PRDM7: variants seen among roughly 807,000 people sequenced by gnomAD.
PRDM7 encodes histone-lysine N-methyltransferase PRDM7.
A neutral mutation model predicts 64.3 loss-of-function variants in PRDM7; 52 were observed. The ratio of observed to expected loss-of-function variants is 0.81; its 90% CI spans 0.65 to 1.02. PRDM7 has a LOEUF of 1.02. Ranked by LOEUF, PRDM7 falls within the 50% of genes least tolerant of loss-of-function variation. PRDM7 has a pLI of 0.00. For synonymous variants in PRDM7, 192 were observed against 210.1 expected (o/e 0.91, Z 0.74); for missense variants, 574 against 597.1 (o/e 0.96, Z 0.40).
chr16:90,061,397 C>G, intron 9 of PRDM7, 55 bp downstream of exon 9: 1 of 1,517,050 alleles, frequency 6.6e-7, no homozygotes, highest in East Asian at 2.3e-5. Flanking sequence ...GAAGGAAGTC[C>G]GGGTTTGTGA....
Position 90,075,274 on chromosome 16 carries a change from G to A in PRDM7, c.193+77C>T. On this transcript the variant is annotated intron_variant, in intron 3 of 10. Transcript: ENST00000449207. The surrounding 1 kb of genome is among the most constrained non-coding windows in gnomAD (Gnocchi z 4.3). ...GAATTGTGGGCAGATGCCGCCACCT[G>A]ATAATTAAAATAATATAGGGACCAA... 1 of 1,607,734 alleles carries A rather than the reference G, an allele frequency of 6.2e-7. No homozygotes were observed.
At chr16:90,063,989 G>A (rs2037829013) in intron 5 of PRDM7, among the ~76,000 whole-genome samples, 1 of 152,224 alleles carries the variant, frequency 6.6e-6, no homozygotes, top group Non-Finnish European at 1.5e-5. Context: ...AAAACGTTCT[G>A]TGTAAGTTAA....
chr16:90,060,321 A>G lies in PRDM7; in HGVS notation c.1233+20T>C, dbSNP rs1460920448. 6.2e-7 allele frequency: 1 copy of G among 1,613,910 alleles called. No homozygotes were observed. On this transcript the variant is annotated intron_variant, in intron 10 of 10. Transcript: ENST00000449207. ...ATTCTTTCTTTCCTGTCCTTTTAAA[A>G]GAGTAATAGTGATGCCTACCTCTCC...
At position 90,070,703 on chromosome 16, in the gene PRDM7, C is replaced by T. The variant is rs139987656; in HGVS notation, c.302-3793G>A. 4.0e-3 allele frequency among the ~76,000 whole-genome samples: 579 copies of T among 143,884 alleles called. 7 individuals are homozygous for T. The highest frequency in any genetic ancestry group is 0.032 in the Middle Eastern group (9 of 282). The allele number at this position is 143,884 out of a possible 152,430, so 94.4% of individuals were successfully genotyped here. A position where few individuals can be genotyped will look rare whatever the true frequency, so the allele number is the denominator to read the frequency against. On this transcript the variant is annotated intron_variant, in intron 4 of 10. Transcript: ENST00000449207. Reference sequence around the variant, plus strand: ...TACACAGTGAGCTGGAGGCTGACTACAAGTCAGGAAGAGAGCCCTCACTGG... The same window carrying T: ...TACACAGTGAGCTGGAGGCTGACTATAAGTCAGGAAGAGAGCCCTCACTGG...
chr16:90,057,007 C>G lies in PRDM7; in HGVS notation c.*1282G>C, dbSNP rs573796420. On this transcript the variant is annotated 3_prime_UTR_variant, in exon 11 of 11. Transcript: ENST00000449207. ...GTATGAGAGGGTCTGTCTCTCTTCT[C>G]TCAGAGTATTCAATTTCCTTAGGAT... 6.6e-6 allele frequency: 1 copy of G among 152,188 alleles called. No individual in the cohort carries two copies. The highest frequency in any genetic ancestry group is 2.4e-5 in the African/African-American group (1 of 41,420). The allele number at this position is 152,188 out of a possible 1,614,324, so 9.4% of individuals were successfully genotyped here.
intron 10 of PRDM7, among the ~76,000 whole-genome samples, chr16:90,059,059 T>C (rs1415344687): frequency 6.6e-6 from 1 of 152,190 alleles, no homozygotes; most frequent in Non-Finnish European, 1.5e-5. Flanking sequence ...GATCCACAAA[T>C]GTGGTTAAAG....
At chr16:90,072,875 G>A (rs1167315801) in intron 4 of PRDM7, among the ~76,000 whole-genome samples, 3 of 152,158 alleles carry the variant, frequency 2.0e-5, no homozygotes, top group African/African-American at 4.8e-5. Flanking sequence ...AAAAGCAAAC[G>A]CTGGCCTTTC....
At chr16:90,068,138 G>C (rs546374580) in intron 4 of PRDM7, among the ~76,000 whole-genome samples, 1 of 151,040 alleles carries the variant, frequency 6.6e-6, no homozygotes, top group South Asian at 2.1e-4. Context: ...CATTAGCTGG[G>C]CATGGTGGCG....
At chr16:90,065,343 A>C (rs2037854699) in intron 5 of PRDM7, among the ~76,000 whole-genome samples, 1 of 141,132 alleles carries the variant, frequency 7.1e-6, no homozygotes. Flanking sequence ...CAGTGAGCCG[A>C]GATCGCGCCA....
chr16:90,066,966 G>T lies in PRDM7; in HGVS notation c.302-56C>A, dbSNP rs563137003. On this transcript the variant is annotated intron_variant, in intron 4 of 10. Transcript: ENST00000449207. ...TTGGTAAATGTTTCCAAACTCTAGA[G>T]ATTTTTTTTTCTTTTTGATATGGAG... The T allele has an allele frequency of 3.5e-5, 52 of 1,466,690 alleles. No homozygotes were observed. In the South Asian group the frequency reaches 5.0e-4, roughly 14 times the overall value. The allele number at this position is 1,466,690 out of a possible 1,614,324, so 90.9% of individuals were successfully genotyped here.
chr16:90,064,055 A>G (rs2037830448), intron 5 of PRDM7, among the ~76,000 whole-genome samples: 1 of 152,238 alleles, frequency 6.6e-6, no homozygotes, highest in South Asian at 2.1e-4. Context: ...AAGATCTGTG[A>G]AAGAAGGGGA....
In PRDM7 at chr16:90,058,054, T is replaced by C. The variant is rs2037710167; in HGVS notation, c.*235A>G. On this transcript the variant is annotated 3_prime_UTR_variant, in exon 11 of 11. Transcript: ENST00000449207. Reference sequence around the variant, plus strand: ...CTTCCCCCCTGTGTGTGTCCTTTGGTGTGTAATAACATCTGACTTATCACT... The same window carrying C: ...CTTCCCCCCTGTGTGTGTCCTTTGGCGTGTAATAACATCTGACTTATCACT... 3.1e-6 allele frequency: 5 copies of C among 1,612,556 alleles called. No individual in the cohort carries two copies. The highest frequency in any genetic ancestry group is 3.4e-6 in the Non-Finnish European group (4 of 1,178,920).
chr16:90,068,634 C>CAAAA (rs778285091), intron 4 of PRDM7, among the ~76,000 whole-genome samples: 1 of 93,430 alleles, frequency 1.1e-5, no homozygotes. Context: ...GACTCCGTCT[C>CAAAA]AAAAAAAAAA....
At chr16:90,062,244 T>C in intron 7 of PRDM7, 52 bp from the exon 8 acceptor site, 1 of 1,614,186 alleles carries the variant, frequency 6.2e-7, no homozygotes, top group Non-Finnish European at 8.5e-7. Flanking sequence ...TGTTCCTTGA[T>C]ATAAGAGCTT....
Position 90,069,625 on chromosome 16 carries a change from G to A in PRDM7, c.302-2715C>T, listed in dbSNP as rs186141217. On this transcript the variant is annotated intron_variant, in intron 4 of 10. Transcript: ENST00000449207. Reference sequence around the variant, plus strand: ...ACCATGTATCTGATAAAGGGTTAATGTTGCTGAGTGCAGTGGCACATGACT... The same window carrying A: ...ACCATGTATCTGATAAAGGGTTAATATTGCTGAGTGCAGTGGCACATGACT... Among the ~76,000 whole-genome samples the A allele has an allele frequency of 1.5e-4, 22 of 151,414 alleles. 1 individual carries two copies. Among genetic ancestry groups the A allele is most frequent in the African/African-American group, 5.4e-4 (22 of 40,768 alleles).
At chr16:90,068,688 C>T (rs1433285162) in intron 4 of PRDM7, among the ~76,000 whole-genome samples, 1 of 149,122 alleles carries the variant, frequency 6.7e-6, no homozygotes, top group Non-Finnish European at 1.5e-5. Context: ...AAAAGCAACA[C>T]CCCAAATCAG....
At chr16:90,060,111 T>G (rs2037746746) in intron 10 of PRDM7, among the ~76,000 whole-genome samples, 1 of 152,230 alleles carries the variant, frequency 6.6e-6, no homozygotes, top group Non-Finnish European at 1.5e-5. Flanking sequence ...TGTTATATAC[T>G]TTGTGCATGA....
chr16:90,074,751 T>A (rs2038010200), intron 4 of PRDM7, among the ~76,000 whole-genome samples, 165 bp downstream of exon 4: 1 of 152,002 alleles, frequency 6.6e-6, no homozygotes, highest in Non-Finnish European at 1.5e-5. Flanking sequence ...TGGTGGCGCA[T>A]GCCTGTAATC....
intron 4 of PRDM7, 32 bp from the exon 5 acceptor site, chr16:90,066,942 T>A: frequency 6.5e-7 from 1 of 1,549,880 alleles, no homozygotes; most frequent in Non-Finnish European, 8.9e-7. Context: ...GTGGTTTGGT[T>A]GGTAAATGTT....
Sources: gnomAD v4.1 joint callset for allele counts (sites outside exome capture counted in the v4.1 genomes callset) on GRCh38, gnomAD v4.1.1 for gene constraint, Gnocchi (gnomAD v3.1) non-coding constraint, MANE v1.5 for transcripts, NCBI Gene and HGNC (gene_info 2026-07-23, HGNC 2026-07-21) for gene names.